Variants in ATP2B2 observed in about 807,000 individuals in gnomAD.
ATP2B2 encodes the protein ATPase plasma membrane Ca2+ transporting 2.
A neutral mutation model predicts 120.0 loss-of-function variants in ATP2B2; 15 were observed. The ratio of observed to expected loss-of-function variants is 0.12; its 90% confidence interval spans 0.08 to 0.19. The LOEUF (loss-of-function observed/expected upper bound fraction) is 0.19, where lower values mean the gene tolerates loss of function less well. Among genes scored for constraint, ATP2B2 ranks in the 10% least tolerant of loss-of-function variants. The pLI is 1.00. For missense variants in ATP2B2, 1,045 were observed against 1,719.8 expected, an observed-to-expected ratio of 0.61 and a Z score of 6.94; for synonymous variants, 694 against 700.3, an observed-to-expected ratio of 0.99 and a Z score of 0.14.
chr3:10,506,293 G>A (rs964309414), upstream of ATP2B2, among the ~76,000 whole-genome samples: 17 of 152,280 alleles, frequency 1.1e-4, no homozygotes, highest in Admixed American at 9.8e-4. Flanking sequence ...GGGGGGTGTG[G>A]TGGTGGGGGC....
chr3:10,548,946 G>C (rs1309677567), intron 2 of ATP2B2, among the ~76,000 whole-genome samples: 1 of 152,216 alleles, frequency 6.6e-6, no homozygotes, highest in Admixed American at 6.5e-5. Flanking sequence ...CTAAGAGTGA[G>C]ACTGAGCATC....
At position 10,401,035 on chromosome 3, in the gene ATP2B2, G is replaced by C; in HGVS notation, c.699C>G (p.Asp233Glu). 1 of 1,614,166 alleles carries C rather than the reference G, an allele frequency of 6.2e-7. No homozygotes were observed. The highest frequency in any genetic ancestry group is 8.5e-7 in the Non-Finnish European group (1 of 1,180,028). Reference sequence around the variant, plus strand: ...TTAGGGAGCTTTCATCAATCTTGAGGTCATTGCCCTGGATGAAGAGGCCGT... The same window carrying C: ...TTAGGGAGCTTTCATCAATCTTGAGCTCATTGCCCTGGATGAAGAGGCCGT... ...PADGLFIQGN[D>E]LKIDESSLTG... Residue 233 changes from aspartate (D) to glutamate (E), a missense_variant, in exon 5 of 23, where the codon GAC (aspartate) becomes GAG (glutamate). Transcript: ENST00000360273.
intron 1 of ATP2B2, among the ~76,000 whole-genome samples, chr3:10,642,112 G>A (rs2070190201): frequency 6.6e-6 from 1 of 152,172 alleles, no homozygotes; most frequent in Non-Finnish European, 1.5e-5. Flanking sequence ...TTAAGAGCAT[G>A]GACTCTGGAG....
intron 2 of ATP2B2, among the ~76,000 whole-genome samples, chr3:10,414,368 G>A (rs921286788): frequency 6.6e-6 from 1 of 152,182 alleles, no homozygotes; most frequent in Non-Finnish European, 1.5e-5. Context: ...TTGAGATCCT[G>A]AGTCCCAGGA....
intron 1 of ATP2B2, among the ~76,000 whole-genome samples, chr3:10,650,974 A>G (rs891251567): frequency 6.6e-6 from 1 of 152,170 alleles, no homozygotes; most frequent in Non-Finnish European, 1.5e-5. Context: ...TGGATTTTGG[A>G]CTTGAGTGGG....
intron 3 of ATP2B2, among the ~76,000 whole-genome samples, chr3:10,521,855 T>C (rs2066990750): frequency 6.6e-6 from 1 of 152,240 alleles, no homozygotes; most frequent in African/African-American, 2.4e-5. Context: ...ACATCATCTC[T>C]AACTCTTACA....
Position 10,635,731 on chromosome 3 carries a change from C to T in ATP2B2, c.-459-15770G>A, listed in dbSNP as rs1174092877. ...GCCTGCCTGACCAGGATTGTGCCCT[C>T]TCAGTCATTCTCATCAATCCCTGCC... On this transcript the variant is annotated intron_variant, in intron 1 of 21. Coordinates refer to the ATP2B2 transcript ENST00000646379. This position sits in a 1 kb window ranked among gnomAD's most constrained non-coding sequence, Gnocchi z 4.3. Among the ~76,000 whole-genome samples, 1 of 152,198 alleles carries T rather than the reference C, an allele frequency of 6.6e-6. No individual in the cohort carries two copies. The highest frequency in any genetic ancestry group is 1.5e-5 in the Non-Finnish European group (1 of 68,012).
At chr3:10,671,112 T>G (rs544355161) in intron 1 of ATP2B2, among the ~76,000 whole-genome samples, 1 of 152,328 alleles carries the variant, frequency 6.6e-6, no homozygotes, top group Non-Finnish European at 1.5e-5. Context: ...GCAGGCATGA[T>G]CAGCAGGCTG....
intron 2 of ATP2B2, among the ~76,000 whole-genome samples, chr3:10,552,192 G>A (rs1203216203): frequency 1.3e-5 from 2 of 152,234 alleles, no homozygotes; most frequent in African/African-American, 4.8e-5. Context: ...GCACTGGCGA[G>A]GGGCGTGGGC....
rs112756574 is a variant in ATP2B2 at position 10,368,185 on chromosome 3, C to CT, written c.1659+3623dup. On this transcript the variant is annotated intron_variant, in intron 12 of 22. Coordinates refer to ENST00000360273, the MANE Select transcript of ATP2B2 (RefSeq NM_001001331.4). Reference sequence around the variant, plus strand: ...CTTGCAATCTATCCTTGCAAATACTCTTTTTTTTTTTCAGTAAAAGACATC... The same window carrying CT: ...CTTGCAATCTATCCTTGCAAATACTCTTTTTTTTTTTTCAGTAAAAGACATC... Among the ~76,000 whole-genome samples, 86 of 149,046 alleles carry CT rather than the reference C, an allele frequency of 5.8e-4. 1 individual carries two copies. Among genetic ancestry groups the CT allele is most frequent in the East Asian group, 1.8e-3 (9 of 5,070 alleles).
chr3:10,695,916 A>C (rs2071735458), intron 1 of ATP2B2, among the ~76,000 whole-genome samples: 1 of 152,208 alleles, frequency 6.6e-6, no homozygotes, highest in South Asian at 2.1e-4. Flanking sequence ...GATCTGAAAA[A>C]GTCTCTGGCA....
intron 19 of ATP2B2, among the ~76,000 whole-genome samples, chr3:10,341,829 CATG>C (rs777494959): frequency 6.6e-6 from 1 of 152,204 alleles, no homozygotes; most frequent in Non-Finnish European, 1.5e-5. Context: ...TAAGCTTTTT[CATG>C]ATAAGTTTTA....
At chr3:10,700,314 T>A (rs1447812524) in intron 1 of ATP2B2, among the ~76,000 whole-genome samples, 2 of 151,908 alleles carry the variant, frequency 1.3e-5, no homozygotes, top group African/African-American at 4.8e-5. Flanking sequence ...AGCCCAATGC[T>A]CCCCTCTCCC....
chr3:10,353,034 G>T (rs2060621259), intron 14 of ATP2B2, among the ~76,000 whole-genome samples: 1 of 152,170 alleles, frequency 6.6e-6, no homozygotes, highest in Non-Finnish European at 1.5e-5. Context: ...CCGATGACAG[G>T]GTGCTCCCTC....
In ATP2B2 at chr3:10,444,797, G is replaced by T. The variant is rs923406971; in HGVS notation, c.199+4548C>A. ...GGAACTGGAGCCATCTGCTCCATGGGTGACACAGGGTGTCCTGTGTCTGTC... is the reference window on the plus strand; with the variant it reads ...GGAACTGGAGCCATCTGCTCCATGGTTGACACAGGGTGTCCTGTGTCTGTC... On this transcript the variant is annotated intron_variant, in intron 2 of 22. Coordinates refer to ENST00000360273, the MANE Select transcript of ATP2B2 (RefSeq NM_001001331.4). Among the ~76,000 whole-genome samples, 6 of 152,258 alleles carry T rather than the reference G, an allele frequency of 3.9e-5. 1 individual carries two copies. Among genetic ancestry groups the T allele is most frequent in the African/African-American group, 1.4e-4 (6 of 41,478 alleles).
chr3:10,493,529 G>A (rs56841321), intron 1 of ATP2B2, among the ~76,000 whole-genome samples: 1 of 152,262 alleles, frequency 6.6e-6, no homozygotes, highest in East Asian at 1.9e-4. Flanking sequence ...ACTTGTTCCT[G>A]TACATCAAGG....
chr3:10,407,589 G>A (rs2062459167), intron 3 of ATP2B2, among the ~76,000 whole-genome samples: 1 of 152,222 alleles, frequency 6.6e-6, no homozygotes, highest in African/African-American at 2.4e-5. Context: ...CTGGGGCGGA[G>A]GCGGGCAGTG....
intron 5 of ATP2B2, among the ~76,000 whole-genome samples, chr3:10,396,528 C>T (rs1273716742): frequency 1.3e-5 from 2 of 152,274 alleles, no homozygotes; most frequent in Non-Finnish European, 2.9e-5. Context: ...CCTCAAGGAT[C>T]ATCAGACTGG....
chr3:10,503,540 G>T (rs1251267443), intron 1 of ATP2B2, among the ~76,000 whole-genome samples: 1 of 152,266 alleles, frequency 6.6e-6, no homozygotes, highest in African/African-American at 2.4e-5. Context: ...CCCTTAAGGG[G>T]CAAGCTCTCC....
Sources: gnomAD v4.1 joint callset for allele counts (sites outside exome capture counted in the v4.1 genomes callset) on GRCh38, gnomAD v4.1.1 for gene constraint, Gnocchi (gnomAD v3.1) non-coding constraint, MANE v1.5 for transcripts, NCBI Gene and HGNC (gene_info 2026-07-23, HGNC 2026-07-21) for gene names.